Variants in HEATR4 observed in about 807,000 individuals in gnomAD.
The protein encoded by HEATR4 is HEAT repeat-containing protein 4.
A neutral mutation model predicts 108.8 loss-of-function variants in HEATR4; 95 were observed. The ratio of observed to expected loss-of-function variants is 0.87; its 90% CI spans 0.74 to 1.04. HEATR4 has a LOEUF of 1.04. Ranked by LOEUF, HEATR4 falls within the 50% of genes least tolerant of loss-of-function variation. The pLI, the probability that HEATR4 is intolerant of heterozygous loss-of-function variation, is 0.00. For synonymous variants in HEATR4, 443 were observed against 459.4 expected (o/e 0.96, Z 0.46); for missense variants, 1,152 against 1,253.8 (o/e 0.92, Z 1.23).
At chr14:73,592,335 G>C in the HEATR4 span, 2 of 1,604,152 alleles carry the variant, frequency 1.2e-6, no homozygotes, top group Non-Finnish European at 1.7e-6. Flanking sequence ...GGCGCAGCAC[G>C]AGCGCCACTT....
In HEATR4 at chr14:73,509,436, A is replaced by C. The variant is rs1039838886; in HGVS notation, c.1596T>G (p.Pro532=). ...TGTCACAAAGAGCAGCCTCTAGGGC[A>C]GGCAGTAGAACCTCCGGCAAGTCCT... is the stretch of plus-strand genomic sequence containing the variant. ...TIQDLPEVLL[P]ALEAALCDKN... Residue 532 remains proline (P), a synonymous_variant, in exon 8 of 18, where the codon CCT becomes CCG. Coordinates refer to ENST00000553558, the MANE Select transcript of HEATR4 (RefSeq NM_001220484.1). 3.1e-6 allele frequency: 5 copies of C among 1,613,978 alleles called. No homozygotes were observed. In the Admixed American group the frequency reaches 6.7e-5, roughly 22 times the overall value.
intron 11 of HEATR4, 62 bp from the exon 12 acceptor site, chr14:73,500,792 C>T (rs1886410932): frequency 6.9e-7 from 1 of 1,451,992 alleles, no homozygotes; most frequent in South Asian, 1.2e-5. Flanking sequence ...ACCCCCAACC[C>T]CCACTAATGC....
the HEATR4 span, chr14:73,612,502 C>T: frequency 1.9e-6 from 2 of 1,067,520 alleles, no homozygotes; most frequent in Non-Finnish European, 2.5e-6. Flanking sequence ...CTTTCCAGCG[C>T]TCGGCAAAGC....
intron 9 of HEATR4, among the ~76,000 whole-genome samples, chr14:73,507,877 G>A (rs1356030517): frequency 6.6e-6 from 1 of 152,098 alleles, no homozygotes; most frequent in Admixed American, 6.6e-5. Flanking sequence ...CGAGTAGCTG[G>A]GACTACTCAG....
At chr14:73,509,754 CAGTGAA>C (rs1324060492) in intron 7 of HEATR4, among the ~76,000 whole-genome samples, 1 of 136,646 alleles carries the variant, frequency 7.3e-6, no homozygotes, top group Non-Finnish European at 1.5e-5. Flanking sequence ...AGCTAGGCTA[CAGTGAA>C]CTACACCATT....
the HEATR4 span, among the ~76,000 whole-genome samples, chr14:73,572,097 A>G: frequency 6.9e-6 from 1 of 145,836 alleles, no homozygotes; most frequent in Non-Finnish European, 1.5e-5. Context: ...TCTGGGCAAC[A>G]ATTTGTCTTA....
the HEATR4 span, chr14:73,580,662 A>C: frequency 1.1e-4 from 16 of 152,326 alleles, no homozygotes; most frequent in African/African-American, 3.9e-4. Flanking sequence ...AGCCAGTGCC[A>C]TCATGGTGGC....
At chr14:73,613,699 G>A in the HEATR4 span, among the ~76,000 whole-genome samples, 1 of 152,210 alleles carries the variant, frequency 6.6e-6, no homozygotes, top group Non-Finnish European at 1.5e-5. Context: ...GCAGAGGCCA[G>A]AGATGCTGCT....
the HEATR4 span, chr14:73,593,926 TAATC>T: frequency 6.3e-7 from 1 of 1,586,660 alleles, no homozygotes; most frequent in South Asian, 1.1e-5. Flanking sequence ...GTCCTTTATT[TAATC>T]AGTCTCTCTA....
At chr14:73,499,034 T>G in intron 13 of HEATR4, 37 bp downstream of exon 13, 2 of 1,567,012 alleles carry the variant, frequency 1.3e-6, no homozygotes, top group South Asian at 1.1e-5. Flanking sequence ...CAAAGGTATT[T>G]AAGGTTGAAG....
the HEATR4 span, chr14:73,591,876 C>G: frequency 7.8e-7 from 1 of 1,277,922 alleles, no homozygotes; most frequent in Admixed American, 4.2e-5. Context: ...GGACGCCGGA[C>G]GCCGTCCGGA....
intron 2 of HEATR4, among the ~76,000 whole-genome samples, chr14:73,524,337 T>A (rs868321189): frequency 5.1e-5 from 6 of 116,792 alleles, no homozygotes; most frequent in East Asian, 2.4e-4. Context: ...ATATATATAT[T>A]ATAGCTGTAA....
the HEATR4 span, among the ~76,000 whole-genome samples, chr14:73,599,053 G>A: frequency 2.0e-5 from 3 of 152,082 alleles, no homozygotes; most frequent in African/African-American, 7.2e-5. Context: ...ATGCTGTGAT[G>A]CTGTGATGAA....
chr14:73,623,738 G>T, the HEATR4 span, among the ~76,000 whole-genome samples: 1 of 151,970 alleles, frequency 6.6e-6, no homozygotes, highest in South Asian at 2.1e-4. Context: ...TGGTGTTTGG[G>T]TCATGAGGGC....
chr14:73,574,683 G>A, the HEATR4 span, among the ~76,000 whole-genome samples: 1 of 152,018 alleles, frequency 6.6e-6, no homozygotes, highest in Non-Finnish European at 1.5e-5. Context: ...AGAAACCAGA[G>A]AATAATTGAT....
the HEATR4 span, among the ~76,000 whole-genome samples, chr14:73,624,267 C>A: frequency 6.6e-6 from 1 of 151,984 alleles, no homozygotes; most frequent in Non-Finnish European, 1.5e-5. Flanking sequence ...AGATTACAGG[C>A]ACACACCACC....
the HEATR4 span, among the ~76,000 whole-genome samples, chr14:73,568,527 T>C: frequency 1.3e-5 from 2 of 151,804 alleles, no homozygotes; most frequent in South Asian, 4.2e-4. Context: ...AAACTGCCGC[T>C]GTACTCCAGT....
At chr14:73,616,051 G>A in the HEATR4 span, among the ~76,000 whole-genome samples, 4 of 151,754 alleles carry the variant, frequency 2.6e-5, no homozygotes, top group African/African-American at 9.7e-5. Context: ...ACCACAAACT[G>A]GAACTCTTGG....
chr14:73,583,962 T>C, the HEATR4 span, among the ~76,000 whole-genome samples: 21 of 151,874 alleles, frequency 1.4e-4, no homozygotes, highest in Admixed American at 1.3e-3. Flanking sequence ...GACCACGCCA[T>C]TGCACTCCAG....
Sources: gnomAD v4.1 joint callset for allele counts (sites outside exome capture counted in the v4.1 genomes callset) on GRCh38, gnomAD v4.1.1 for gene constraint, MANE v1.5 for transcripts, NCBI Gene and HGNC (gene_info 2026-07-23, HGNC 2026-07-21) for gene names.